The following LRRTM4 variants were observed in gnomAD, a reference collection of about 807,000 sequenced individuals.
LRRTM4 encodes the protein leucine-rich repeat transmembrane neuronal protein 4.
In LRRTM4, 25 loss-of-function variants were observed where a neutral mutation model predicts 47.6. That is an observed-to-expected ratio of 0.53 (90% CI 0.38 to 0.73). The LOEUF (loss-of-function observed/expected upper bound fraction) is 0.73, where lower values mean the gene tolerates loss of function less well. Ranked by LOEUF, LRRTM4 falls within the 30% of genes least tolerant of loss-of-function variation. LRRTM4 has a pLI of 0.00. For synonymous variants in LRRTM4, 311 were observed against 269.5 expected (o/e 1.15, Z -1.51); for missense variants, 638 against 713.4 (o/e 0.89, Z 1.20).
chr2:77,078,187 C>T (rs1201886262), intron 3 of LRRTM4, among the ~76,000 whole-genome samples: 6 of 152,292 alleles, frequency 3.9e-5, no homozygotes, highest in Non-Finnish European at 8.8e-5. Flanking sequence ...AGCCATCTGA[C>T]ATTTCATTGA....
In LRRTM4 at chr2:77,066,060, T is replaced by C. The variant is rs181996170; in HGVS notation, c.1552-317144A>G. Among the ~76,000 whole-genome samples the C allele has an allele frequency of 1.7e-4, 26 of 152,134 alleles. No homozygotes were observed. The East Asian group carries it at 5.0e-3, about 29-fold the overall frequency. On this transcript the variant is annotated intron_variant, in intron 3 of 3. Coordinates refer to ENST00000409884, the MANE Select transcript of LRRTM4 (RefSeq NM_001134745.3). ...GAAGCTACAGCTTCTCAGAGAAGAA[T>C]AAAAATGGTGTACTATAACTTTTTC...
chr2:77,162,003 C>T (rs1008943328), intron 3 of LRRTM4, among the ~76,000 whole-genome samples: 27 of 152,094 alleles, frequency 1.8e-4, no homozygotes, highest in African/African-American at 5.8e-4. Context: ...ATTGAGGTAC[C>T]GGGTTCATCT....
At chr2:77,296,545 T>C (rs1676979073) in intron 3 of LRRTM4, among the ~76,000 whole-genome samples, 1 of 152,198 alleles carries the variant, frequency 6.6e-6, no homozygotes, top group Non-Finnish European at 1.5e-5. Flanking sequence ...AAAACAACAC[T>C]CTTTTTCCTT....
At chr2:76,901,545 G>A (rs1422902581) in intron 3 of LRRTM4, among the ~76,000 whole-genome samples, 1 of 151,738 alleles carries the variant, frequency 6.6e-6, no homozygotes, top group Admixed American at 6.6e-5. Flanking sequence ...ACCATGGAAG[G>A]CTCAGAGAAA....
At chr2:76,862,051 A>G (rs1672327225) in intron 3 of LRRTM4, among the ~76,000 whole-genome samples, 1 of 150,992 alleles carries the variant, frequency 6.6e-6, no homozygotes, top group South Asian at 2.1e-4. Context: ...AGCCACAGGT[A>G]TTGGGGCTTG....
rs1241547737 is a variant in LRRTM4 at position 77,518,545 on chromosome 2, C to T, written c.1324G>A (p.Val442Met). 1 of 1,613,368 alleles carries T rather than the reference C, an allele frequency of 6.2e-7. No individual in the cohort carries two copies. Among genetic ancestry groups the T allele is most frequent in the South Asian group, 1.1e-5 (1 of 91,066 alleles). Residue 442 changes from valine (V) to methionine (M), a missense_variant, in exon 3 of 4, where the codon GTG (valine) becomes ATG (methionine). Transcript: ENST00000409884. ...LFLSVAMILL[V>M]IYVSWKRYPA... ...TAGCGTTTCCAAGACACATAGATCACCAAGAGGATCATGGCCACTGAGAGA... is the reference window on the plus strand; with the variant it reads ...TAGCGTTTCCAAGACACATAGATCATCAAGAGGATCATGGCCACTGAGAGA...
intron 3 of LRRTM4, among the ~76,000 whole-genome samples, chr2:77,226,246 G>T (rs1478944087): frequency 3.3e-5 from 5 of 151,704 alleles, no homozygotes. Flanking sequence ...ATCTGCCAGA[G>T]AATTATTTCC....
intron 3 of LRRTM4, among the ~76,000 whole-genome samples, chr2:76,978,148 C>T (rs573198774): frequency 6.6e-6 from 1 of 152,072 alleles, no homozygotes; most frequent in African/African-American, 2.4e-5. Flanking sequence ...CTTTTATGAG[C>T]CTTCCCATAC....
intron 3 of LRRTM4, among the ~76,000 whole-genome samples, chr2:77,408,300 A>C (rs1408486315): frequency 1.3e-5 from 2 of 152,196 alleles, no homozygotes; most frequent in African/African-American, 4.8e-5. Flanking sequence ...CTTTGCTTTC[A>C]TATCTGCTAT....
chr2:76,959,648 C>T (rs1007167102), intron 3 of LRRTM4, among the ~76,000 whole-genome samples: 2 of 151,622 alleles, frequency 1.3e-5, no homozygotes, highest in Non-Finnish European at 3.0e-5. Context: ...GAAATATGTG[C>T]AAACAACATG....
intron 3 of LRRTM4, among the ~76,000 whole-genome samples, chr2:77,134,332 C>T (rs984807222): frequency 5.9e-5 from 9 of 152,040 alleles, no homozygotes; most frequent in Admixed American, 5.9e-4. Context: ...TGCTTTTAGA[C>T]TAAGACACAT....
At chr2:77,390,655 A>G (rs1673466740) in intron 3 of LRRTM4, among the ~76,000 whole-genome samples, 1 of 151,658 alleles carries the variant, frequency 6.6e-6, no homozygotes, top group Non-Finnish European at 1.5e-5. Context: ...TATAAATTTA[A>G]TTTATCTTTA....
chr2:77,215,978 C>T (rs537763192), intron 3 of LRRTM4, among the ~76,000 whole-genome samples: 2 of 152,086 alleles, frequency 1.3e-5, no homozygotes, highest in Non-Finnish European at 2.9e-5. Context: ...TCATTTGATA[C>T]CTGTTCCTAT....
intron 3 of LRRTM4, among the ~76,000 whole-genome samples, chr2:76,887,261 A>G (rs1226165045): frequency 2.6e-5 from 4 of 151,750 alleles, no homozygotes; most frequent in Admixed American, 6.6e-5. Context: ...TAGATTCAAG[A>G]GGGTATAGCA....
At position 76,831,824 on chromosome 2, in the gene LRRTM4, G is replaced by T. The variant is rs191617506; in HGVS notation, c.1552-82908C>A. 1.0e-3 allele frequency among the ~76,000 whole-genome samples: 154 copies of T among 152,040 alleles called. 1 individual carries two copies. The highest frequency in any genetic ancestry group is 6.8e-3 in the Middle Eastern group (2 of 294). On this transcript the variant is annotated intron_variant, in intron 3 of 3. Coordinates refer to ENST00000409884, the MANE Select transcript of LRRTM4 (RefSeq NM_001134745.3). Reference sequence around the variant, plus strand: ...AATTTAGCTTTTTTTAAAAAAAATTGTATGTTTATATTTTTGTGCAGAAGG... The same window carrying T: ...AATTTAGCTTTTTTTAAAAAAAATTTTATGTTTATATTTTTGTGCAGAAGG...
At chr2:76,764,524 C>T (rs890368181) in intron 3 of LRRTM4, among the ~76,000 whole-genome samples, 7 of 151,890 alleles carry the variant, frequency 4.6e-5, no homozygotes, top group East Asian at 1.9e-4. Flanking sequence ...CCAGCTACTC[C>T]GGAGGCTGAG....
At chr2:77,307,011 T>C (rs369880203) in intron 3 of LRRTM4, among the ~76,000 whole-genome samples, 95 of 149,404 alleles carry the variant, frequency 6.4e-4, no homozygotes, top group African/African-American at 2.2e-3. Context: ...ACCATTCTCC[T>C]GCCTCAGCCT....
intron 3 of LRRTM4, among the ~76,000 whole-genome samples, chr2:77,061,972 A>G (rs1276964094): frequency 6.6e-6 from 1 of 152,208 alleles, no homozygotes; most frequent in East Asian, 1.9e-4. Flanking sequence ...TTGAGAATGT[A>G]TAAACCACAA....
chr2:77,282,164 T>G (rs987179479), intron 3 of LRRTM4, among the ~76,000 whole-genome samples: 1 of 151,904 alleles, frequency 6.6e-6, no homozygotes, highest in African/African-American at 2.4e-5. Context: ...CCTCCTTGGT[T>G]AGATTTATTC....
Sources: gnomAD v4.1 joint callset for allele counts (sites outside exome capture counted in the v4.1 genomes callset) on GRCh38, gnomAD v4.1.1 for gene constraint, MANE v1.5 for transcripts, NCBI Gene and HGNC (gene_info 2026-07-23, HGNC 2026-07-21) for gene names.